The following IL17RC variants were observed in gnomAD, a reference collection of about 807,000 sequenced individuals.
The protein encoded by IL17RC is interleukin-17 receptor C.
In IL17RC, 53 loss-of-function variants were observed where a neutral mutation model predicts 86.7. That is an observed-to-expected ratio of 0.61 (90% CI 0.49 to 0.77). IL17RC has a LOEUF of 0.77. Among genes scored for constraint, IL17RC ranks in the 30% least tolerant of loss-of-function variants. IL17RC has a pLI of 0.00. For missense variants in IL17RC, 957 were observed against 940.0 expected (o/e 1.02, Z -0.24); for synonymous variants, 439 against 413.1 (o/e 1.06, Z -0.76).
intron 5 of IL17RC, 72 bp downstream of exon 5, chr3:9,918,681 G>C (rs2083307006): frequency 3.9e-6 from 4 of 1,021,636 alleles, no homozygotes; most frequent in Non-Finnish European, 4.6e-6. Context: ...TTATCTCTTT[G>C]AGGATTACAA....
chr3:9,920,817 T>C, intron 6 of IL17RC, 108 bp from the exon 7 acceptor site: 1 of 853,684 alleles, frequency 1.2e-6, no homozygotes, highest in Non-Finnish European at 1.9e-6. Context: ...GTGGGTGGTA[T>C]GTAGGGGATG....
At chr3:9,923,860 T>G (rs760865936) in intron 7 of IL17RC, 21 bp from the exon 8 acceptor site, 6 of 1,613,024 alleles carry the variant, frequency 3.7e-6, no homozygotes, top group Admixed American at 1.7e-5. Context: ...TAAGCTGCGC[T>G]CTCTTTGCCT....
rs780547356 is a variant in IL17RC, at chr3:9,928,428, G to T, written c.1001G>T (p.Gly334Val). 6.2e-7 allele frequency: 1 copy of T among 1,607,262 alleles called. No individual in the cohort carries two copies. The highest frequency in any genetic ancestry group is 1.7e-5 in the Admixed American group (1 of 59,442). ...AEAALCWRAP[G>V]GDPCQPLVPP... The stretch of plus-strand genomic sequence containing the variant: ...GCGGCACTGTGCTGGCGGGCTCCGG[G>T]TGGGGACCCCTGCCAGCCACTGGTC... The change falls in exon 11 of 19, where the codon GGT becomes GTT. Residue 334 changes from glycine to valine, a missense_variant. Coordinates refer to ENST00000403601, the MANE Select transcript of IL17RC (RefSeq NM_153460.4).
rs767852728 is a variant in IL17RC, at chr3:9,933,435, C to A, written c.2005C>A (p.Pro669Thr). Residue 669 changes from proline (P) to threonine (T), a missense_variant, in exon 19 of 19, where the codon CCT (proline) becomes ACT (threonine). Pro to Thr is a conservative substitution (Grantham distance 38). Transcript: ENST00000403601. ...LPDFLGALQQ[P>T]RAPRSGRLQE... is the part of the protein sequence containing the mutation. ...AGACTTCCTGGGGGCCCTGCAGCAG[C>A]CTCGCGCCCCGCGTTCCGGGCGGCT... 2 of 1,613,194 alleles carry A rather than the reference C, an allele frequency of 1.2e-6. No homozygotes were observed. The highest frequency in any genetic ancestry group is 1.3e-5 in the African/African-American group (1 of 75,048).
At chr3:9,923,789 C>A in intron 7 of IL17RC, 92 bp from the exon 8 acceptor site, 2 of 1,414,342 alleles carry the variant, frequency 1.4e-6, no homozygotes, top group Non-Finnish European at 2.0e-6. Context: ...GCCTCCCAGT[C>A]TAGGGGGTTT....
intron 3 of IL17RC, 121 bp from the exon 4 acceptor site, chr3:9,918,214 C>T (rs761606291): frequency 7.7e-7 from 1 of 1,295,176 alleles, no homozygotes; most frequent in Non-Finnish European, 1.1e-6. Flanking sequence ...ACCCCCAGGC[C>T]AGTGTGGTCT....
At chr3:9,927,383 C>A (rs995824340) in intron 9 of IL17RC, among the ~76,000 whole-genome samples, 2 of 151,804 alleles carry the variant, frequency 1.3e-5, no homozygotes, top group African/African-American at 4.8e-5. Context: ...CATAGTGAAA[C>A]CCAGTCTCTA....
At chr3:9,927,434 TG>T (rs201894237) in intron 9 of IL17RC, among the ~76,000 whole-genome samples, 1,731 of 152,190 alleles carry the variant, frequency 0.011, 30 homozygotes, top group African/African-American at 0.04. Flanking sequence ...GATGTGCGCC[TG>T]TAGTCCCTGC....
At chr3:9,931,453 T>TCACACA (rs201407577) in intron 16 of IL17RC, among the ~76,000 whole-genome samples, 204 of 44,678 alleles carry the variant, frequency 4.6e-3, no homozygotes, top group South Asian at 7.7e-3. Context: ...TTTATATATT[T>TCACACA]CACACACACA....
intron 8 of IL17RC, 94 bp downstream of exon 8, chr3:9,924,114 C>T (rs2083841141): frequency 2.5e-6 from 4 of 1,609,230 alleles, no homozygotes; most frequent in Non-Finnish European, 1.7e-6. Context: ...TTGAAGAGGA[C>T]TCACCCCAAG....
chr3:9,928,767 T>G lies in IL17RC; in HGVS notation c.1110+137T>G, dbSNP rs190504692. On this transcript the variant is annotated intron_variant, in intron 12 of 18. Coordinates refer to ENST00000403601, the MANE Select transcript of IL17RC (RefSeq NM_153460.4). ...ATGGGAGTTCCACTGCCTACTTTAG[T>G]AGTGCGCGGGACCCTGGGCAACTCA... is the stretch of plus-strand genomic sequence containing the variant. The G allele has an allele frequency of 1.1e-5, 9 of 845,948 alleles. No individual in the cohort carries two copies. In the East Asian group the frequency reaches 1.2e-4, roughly 11 times the overall value. 52.4% of individuals were successfully genotyped at this position (845,948 alleles called of 1,614,324 possible).
At position 9,918,593 on chromosome 3, in the gene IL17RC, A is replaced by C. The variant is rs1427906443; in HGVS notation, c.449A>C (p.Gln150Pro). 6.2e-7 allele frequency: 1 copy of C among 1,613,072 alleles called. No homozygotes were observed. Among genetic ancestry groups the C allele is most frequent in the South Asian group, 1.1e-5 (1 of 91,048 alleles). ...GTGCAAGTGCCTGCTGCCCTTGTGC[A>C]GTTTGGTCAGTCTGTGGTATGCAAA... is the stretch of plus-strand genomic sequence containing the variant. ...LEVQVPAALVQFGQSVGSVVY... is the reference protein window; with the variant it reads ...LEVQVPAALVPFGQSVGSVVY... Residue 150 changes from glutamine (Q) to proline (P), a missense_variant, in exon 5 of 19, where the codon CAG becomes CCG. Transcript: ENST00000403601.
At chr3:9,929,764 A>T in intron 12 of IL17RC, 88 bp from the exon 13 acceptor site, 1 of 1,422,238 alleles carries the variant, frequency 7.0e-7, no homozygotes, top group Non-Finnish European at 9.9e-7. Flanking sequence ...CCAACCCAAC[A>T]GGCCTTCTGT....
rs546168782 is a variant in IL17RC at position 9,933,076 on chromosome 3, G to A, written c.1646G>A (p.Trp549Ter). The change falls in exon 19 of 19, where the codon TGG becomes TAG. Residue 549 changes from tryptophan to a stop codon, truncating the protein, a stop_gained. Coordinates refer to ENST00000403601, the MANE Select transcript of IL17RC (RefSeq NM_153460.4). LOFTEE classifies it low-confidence loss of function (END_TRUNC). ...QLPLRVAVDL[W>*]SRRELSAQGP... ...CCGCTGCGCGTGGCCGTAGACCTGT[G>A]GAGCCGTCGTGAACTGAGCGCGCAG... 7 of 1,557,712 alleles carry A rather than the reference G, an allele frequency of 4.5e-6. No homozygotes were observed. The Admixed American group carries it at 7.6e-5, about 17-fold the overall frequency.
Position 9,917,326 on chromosome 3 carries a change from C to T in IL17RC, c.11C>T (p.Pro4Leu), listed in dbSNP as rs778672986. 6.2e-7 allele frequency: 1 copy of T among 1,613,364 alleles called. No individual in the cohort carries two copies. The highest frequency in any genetic ancestry group is 1.1e-5 in the South Asian group (1 of 91,074). MPV[P>L]WFLLSLALGR... ...CCTGGCACCTAGAAGATGCCTGTGC[C>T]CTGGTTCTTGCTGTCCTTGGCACTG... Residue 4 changes from proline to leucine, a missense_variant, in exon 1 of 19, where the codon CCC becomes CTC. Transcript: ENST00000403601.
At chr3:9,921,952 CTTTTTTT>C (rs35608782) in intron 7 of IL17RC, among the ~76,000 whole-genome samples, 2 of 88,204 alleles carry the variant, frequency 2.3e-5, no homozygotes, top group African/African-American at 9.6e-5. Context: ...ATGTCCAGTT[CTTTTTTT>C]TTTTTTTTTT....
rs753644507 is a variant in IL17RC at position 9,928,405 on chromosome 3, G to A, written c.978G>A (p.Ala326=). The change falls in exon 11 of 19, where the codon GCG becomes GCA. Residue 326 remains alanine, a synonymous_variant. Transcript: ENST00000403601. ...CACCGTGCTCGCTGCCCGCAGAAGC[G>A]GCACTGTGCTGGCGGGCTCCGGGTG... ...LDAPCSLPAE[A]ALCWRAPGGD... 16 of 1,605,074 alleles carry A rather than the reference G, an allele frequency of 1.0e-5. No individual in the cohort carries two copies. Among genetic ancestry groups the A allele is most frequent in the Admixed American group, 3.4e-5 (2 of 58,936 alleles).
At chr3:9,929,745 T>C in intron 12 of IL17RC, 107 bp from the exon 13 acceptor site, 3 of 1,161,094 alleles carry the variant, frequency 2.6e-6, no homozygotes, top group South Asian at 1.2e-5. Context: ...TCAGATTGAG[T>C]GCAGATTCCC....
rs377653469 is a variant in IL17RC, at chr3:9,928,202, A to G, written c.859A>G (p.Ile287Val). 17 of 1,613,850 alleles carry G rather than the reference A, an allele frequency of 1.1e-5. No individual in the cohort carries two copies. In the African/African-American group the frequency reaches 1.3e-4, roughly 13 times the overall value. Residue 287 changes from isoleucine to valine, a missense_variant, in exon 10 of 19, where the codon ATC (isoleucine) becomes GTC (valine). Physicochemically the swap from Ile to Val is conservative, Grantham distance 29. Coordinates refer to ENST00000403601, the MANE Select transcript of IL17RC (RefSeq NM_153460.4). Reference sequence around the variant, plus strand: ...GGAACCTGACTCCGTTAGGACGAACATCTGCCCCTTCAGGGAGGGTGAGCC... The same window carrying G: ...GGAACCTGACTCCGTTAGGACGAACGTCTGCCCCTTCAGGGAGGGTGAGCC... ...PLEPDSVRTN[I>V]CPFREDPRAH...
Sources: allele counts gnomAD v4.1 joint callset (sites outside exome capture counted in the v4.1 genomes callset), GRCh38; gene constraint gnomAD v4.1.1; transcripts MANE v1.5; gene names NCBI Gene and HGNC (gene_info 2026-07-23, HGNC 2026-07-21).